CHRM3: variants seen among roughly 807,000 people sequenced by gnomAD.
The protein encoded by CHRM3 is cholinergic receptor muscarinic 3, also known as muscarinic acetylcholine receptor M3.
Under a neutral mutation model 41.8 loss-of-function variants are expected in CHRM3, and 11 were observed. The observed-to-expected ratio is 0.26, with a 90% CI of 0.17 to 0.44. The LOEUF (loss-of-function observed/expected upper bound fraction) is 0.44. Among genes scored for constraint, CHRM3 ranks in the 20% least tolerant of loss-of-function variants. CHRM3 has a pLI of 1.00. For synonymous variants in CHRM3, 297 were observed against 301.4 expected, an observed-to-expected ratio of 0.99 and a Z score of 0.15; for missense variants, 571 against 745.4, an observed-to-expected ratio of 0.77 and a Z score of 2.72.
At chr1:239,584,268 T>C (rs1245296430) in intron 3 of CHRM3, among the ~76,000 whole-genome samples, 1 of 152,010 alleles carries the variant, frequency 6.6e-6, no homozygotes, top group African/African-American at 2.4e-5. Context: ...CATGCCTGGC[T>C]AATTTTTGTA....
intron 6 of CHRM3, among the ~76,000 whole-genome samples, chr1:239,837,927 A>G (rs78856713): frequency 0.032 from 4,871 of 152,302 alleles, 253 homozygotes; most frequent in African/African-American, 0.11. Context: ...AAAAGTTTAC[A>G]TTGTAGTTAG....
chr1:239,396,372 A>G (rs2102946945), intron 1 of CHRM3, among the ~76,000 whole-genome samples: 1 of 152,224 alleles, frequency 6.6e-6, no homozygotes, highest in East Asian at 1.9e-4. Context: ...TCACTTTGGA[A>G]GGCTGAGGTG....
At chr1:239,510,174 T>C (rs137861245) in intron 2 of CHRM3, among the ~76,000 whole-genome samples, 32 of 152,330 alleles carry the variant, frequency 2.1e-4, no homozygotes, top group African/African-American at 7.2e-4. Flanking sequence ...GAAGCTGTAG[T>C]TGACATTTAA....
chr1:239,862,003 G>C (rs1477231315), intron 6 of CHRM3, among the ~76,000 whole-genome samples: 1 of 152,082 alleles, frequency 6.6e-6, no homozygotes, highest in Non-Finnish European at 1.5e-5. Flanking sequence ...AAACACAAAA[G>C]AACAGCTTCT....
rs869143310 is a variant in CHRM3 at position 239,708,736 on chromosome 1, C to CTTTTTTTTTTTTTTTTT, written c.-147+30459_-147+30475dup. Among the ~76,000 whole-genome samples, 36 of 48,344 alleles carry CTTTTTTTTTTTTTTTTT rather than the reference C, an allele frequency of 7.4e-4. 6 individuals are homozygous for CTTTTTTTTTTTTTTTTT. Among genetic ancestry groups the CTTTTTTTTTTTTTTTTT allele is most frequent in the Admixed American group, 1.5e-3 (4 of 2,690 alleles). 31.7% of individuals were successfully genotyped at this position (48,344 alleles called of 152,430 possible). ...CTTTGTTTCTTCTGGTTTAAATTTTCTTTTTTTTTTTTTTTTTTTTTTTTT... is the reference window on the plus strand; with the variant it reads ...CTTTGTTTCTTCTGGTTTAAATTTTCTTTTTTTTTTTTTTTTTTTTTTTTTTTTTTTTTTTTTTTTTT... On this transcript the variant is annotated intron_variant, in intron 5 of 6. Coordinates refer to ENST00000676153, the MANE Select transcript of CHRM3 (RefSeq NM_001375978.1).
chr1:239,724,344 T>C (rs1663242268), intron 5 of CHRM3, among the ~76,000 whole-genome samples: 1 of 151,990 alleles, frequency 6.6e-6, no homozygotes, highest in Admixed American at 6.6e-5. Context: ...AAAGTGATAA[T>C]ATCTTTGTAG....
chr1:239,489,922 C>T (rs1343322647), intron 1 of CHRM3, among the ~76,000 whole-genome samples: 3 of 152,124 alleles, frequency 2.0e-5, no homozygotes, highest in Admixed American at 6.5e-5. Flanking sequence ...CACCTCTTCC[C>T]ATGCAGTAGA....
At chr1:239,533,082 G>A (rs1455225335) in intron 2 of CHRM3, among the ~76,000 whole-genome samples, 25 of 151,862 alleles carry the variant, frequency 1.6e-4, no homozygotes, top group Admixed American at 1.5e-3. Flanking sequence ...TCAAGTTTTT[G>A]TCTTTTTTTT....
At chr1:239,824,844 G>A (rs1331887549) in intron 5 of CHRM3, among the ~76,000 whole-genome samples, 1 of 152,162 alleles carries the variant, frequency 6.6e-6, no homozygotes, top group Non-Finnish European at 1.5e-5. Flanking sequence ...GAAAGATTCT[G>A]CCTCCTTAAA....
At position 239,604,928 on chromosome 1, in the gene CHRM3, G is replaced by C. The variant is rs1205697340; in HGVS notation, c.-312-27296G>C. Reference sequence around the variant, plus strand: ...TTACTTTCTTAATCAATGCTTATTGGGGTTCATTTGTTTTATTTTTATTTA... The same window carrying C: ...TTACTTTCTTAATCAATGCTTATTGCGGTTCATTTGTTTTATTTTTATTTA... On this transcript the variant is annotated intron_variant, in intron 3 of 6. Transcript: ENST00000676153. Among the ~76,000 whole-genome samples, 3 of 152,076 alleles carry C rather than the reference G, an allele frequency of 2.0e-5. No homozygotes were observed. The South Asian group carries it at 6.2e-4, about 32-fold the overall frequency.
intron 3 of CHRM3, among the ~76,000 whole-genome samples, chr1:239,559,253 A>G (rs1450349907): frequency 1.3e-5 from 2 of 151,996 alleles, no homozygotes; most frequent in Admixed American, 6.6e-5. Flanking sequence ...TAACCAGTTG[A>G]TGCTGTGAGC....
At chr1:239,479,179 A>T (rs1666656567) in intron 1 of CHRM3, among the ~76,000 whole-genome samples, 1 of 141,304 alleles carries the variant, frequency 7.1e-6, no homozygotes, top group South Asian at 2.3e-4. Flanking sequence ...GTGAAACTCC[A>T]TTTCAAAAAA....
At chr1:239,533,152 T>A (rs930976823) in intron 2 of CHRM3, among the ~76,000 whole-genome samples, 5 of 152,142 alleles carry the variant, frequency 3.3e-5, no homozygotes, top group Admixed American at 6.5e-5. Context: ...TACGATTTTT[T>A]AAAAATACAG....
chr1:239,659,475 A>G (rs1386097615), intron 4 of CHRM3, among the ~76,000 whole-genome samples: 1 of 152,152 alleles, frequency 6.6e-6, no homozygotes, highest in Non-Finnish European at 1.5e-5. Flanking sequence ...TCTCAAGAGA[A>G]CTTTCCATGA....
In CHRM3 at chr1:239,490,677, TC is replaced by T. The variant is rs555177074; in HGVS notation, c.-520-2031del. On this transcript the variant is annotated intron_variant, in intron 1 of 6. Coordinates refer to ENST00000676153, the MANE Select transcript of CHRM3 (RefSeq NM_001375978.1). ...ACTGGCCTCAAGCAATCCTTTGGCC[TC>T]AGCTACCTGGGTAGCTGGGACCCCA... Among the ~76,000 whole-genome samples the T allele has an allele frequency of 3.3e-4, 50 of 152,276 alleles. No homozygotes were observed. In the South Asian group the frequency reaches 0.01, roughly 31 times the overall value.
At chr1:239,514,798 A>G (rs756574186) in intron 2 of CHRM3, among the ~76,000 whole-genome samples, 7 of 152,054 alleles carry the variant, frequency 4.6e-5, no homozygotes, top group Non-Finnish European at 8.8e-5. Flanking sequence ...TGCCTCCCTT[A>G]TCTCAGTCCT....
At chr1:239,680,444 C>G (rs1056681465) in intron 5 of CHRM3, among the ~76,000 whole-genome samples, 1 of 151,996 alleles carries the variant, frequency 6.6e-6, no homozygotes, top group Admixed American at 6.6e-5. Flanking sequence ...CATAGTGATC[C>G]TTAGGCCAAA....
chr1:239,473,750 A>G (rs538377277), intron 1 of CHRM3, among the ~76,000 whole-genome samples: 1 of 152,248 alleles, frequency 6.6e-6, no homozygotes, highest in Admixed American at 6.5e-5. Flanking sequence ...AAATAAGTAA[A>G]TAAAGTAAAT....
At chr1:239,787,810 A>T (rs768361715) in intron 5 of CHRM3, among the ~76,000 whole-genome samples, 3 of 152,232 alleles carry the variant, frequency 2.0e-5, no homozygotes, top group Non-Finnish European at 4.4e-5. Context: ...TCTAATATGT[A>T]AAGTTAATTT....
Sources: allele counts gnomAD v4.1 joint callset (sites outside exome capture counted in the v4.1 genomes callset), GRCh38; gene constraint gnomAD v4.1.1; transcripts MANE v1.5; gene names NCBI Gene and HGNC (gene_info 2026-07-23, HGNC 2026-07-21).